Variants in ADAMTS20 observed in about 807,000 individuals in gnomAD.
ADAMTS20 encodes the protein A disintegrin and metalloproteinase with thrombospondin motifs 20.
ADAMTS20 carries 225 observed loss-of-function variants against 260.1 expected under a neutral mutation model. The ratio of observed to expected loss-of-function variants is 0.87; its 90% CI spans 0.78 to 0.97. ADAMTS20 has a LOEUF of 0.97. Ranked by LOEUF, ADAMTS20 falls within the 50% of genes least tolerant of loss-of-function variation. ADAMTS20 has a pLI of 0.00. For synonymous variants in ADAMTS20, 802 were observed against 769.5 expected (o/e 1.04, Z -0.70); for missense variants, 2,400 against 2,337.7 (o/e 1.03, Z -0.55).
chr12:43,536,487 G>A (rs1943296919), intron 2 of ADAMTS20, among the ~76,000 whole-genome samples: 1 of 145,250 alleles, frequency 6.9e-6, no homozygotes, highest in Non-Finnish European at 1.6e-5. Context: ...AAATATAATA[G>A]AATATGCAAT....
At chr12:43,384,900 A>T (rs1205058104) in intron 29 of ADAMTS20, among the ~76,000 whole-genome samples, 1 of 152,224 alleles carries the variant, frequency 6.6e-6, no homozygotes, top group African/African-American at 2.4e-5. Context: ...TATTGTGAAC[A>T]GTGCTGCTAT....
chr12:43,352,975 A>G (rs899957643), downstream of ADAMTS20, among the ~76,000 whole-genome samples: 5 of 152,190 alleles, frequency 3.3e-5, no homozygotes, highest in Admixed American at 3.3e-4. Context: ...ATGGTACAAT[A>G]CATCTGTAAT....
At chr12:43,469,923 G>T (rs920411249) in intron 7 of ADAMTS20, among the ~76,000 whole-genome samples, 51 of 152,286 alleles carry the variant, frequency 3.3e-4, no homozygotes, top group Admixed American at 3.3e-3. Flanking sequence ...TTAATAAAAA[G>T]GAAAGATTTG....
chr12:43,415,906 C>G (rs1645866477), intron 28 of ADAMTS20, among the ~76,000 whole-genome samples: 1 of 152,156 alleles, frequency 6.6e-6, no homozygotes, highest in Admixed American at 6.5e-5. Flanking sequence ...CAGATGGGCC[C>G]TTCACACTGC....
At chr12:43,430,597 G>T in intron 22 of ADAMTS20, 126 bp from the exon 23 acceptor site, 2 of 876,776 alleles carry the variant, frequency 2.3e-6, no homozygotes, top group Non-Finnish European at 3.1e-6. Flanking sequence ...CTTTATACTA[G>T]ATTTAAGACT....
At chr12:43,404,178 G>GAAACACACACACAC (rs749085069) in intron 28 of ADAMTS20, among the ~76,000 whole-genome samples, 13 of 146,006 alleles carry the variant, frequency 8.9e-5, no homozygotes, top group African/African-American at 3.3e-4. Flanking sequence ...ATATTGTGGG[G>GAAACACACACACAC]ACACACACAC....
chr12:43,469,108 C>T, intron 7 of ADAMTS20, among the ~76,000 whole-genome samples: 1 of 152,020 alleles, frequency 6.6e-6, no homozygotes, highest in East Asian at 1.9e-4. Context: ...GCACAGAACT[C>T]TACAAATCTA....
chr12:43,417,120 G>T (rs764615161), intron 28 of ADAMTS20, among the ~76,000 whole-genome samples: 1 of 152,232 alleles, frequency 6.6e-6, no homozygotes, highest in South Asian at 2.1e-4. Context: ...CCCAGTGCCT[G>T]GTAGATATGG....
At chr12:43,387,133 C>T (rs1009014172) in intron 29 of ADAMTS20, among the ~76,000 whole-genome samples, 2 of 152,114 alleles carry the variant, frequency 1.3e-5, no homozygotes, top group African/African-American at 4.8e-5. Context: ...ATTTATCTAC[C>T]TTTGGCCTTT....
intron 29 of ADAMTS20, 125 bp downstream of exon 29, chr12:43,398,939 AGT>A: frequency 1.9e-6 from 1 of 514,732 alleles, no homozygotes; most frequent in Non-Finnish European, 3.0e-6. Context: ...CTTACAGCAT[AGT>A]GCAAAAAAGT....
intron 3 of ADAMTS20, among the ~76,000 whole-genome samples, chr12:43,518,408 C>T (rs1177288555): frequency 2.0e-5 from 3 of 152,074 alleles, no homozygotes; most frequent in Non-Finnish European, 4.4e-5. Context: ...TTTGGGCAAA[C>T]ATTCCTCAGT....
intron 3 of ADAMTS20, among the ~76,000 whole-genome samples, chr12:43,514,717 A>G (rs1480770351): frequency 6.6e-6 from 1 of 151,902 alleles, no homozygotes; most frequent in Non-Finnish European, 1.5e-5. Context: ...TAGCATTGTG[A>G]TATTCCAAAC....
chr12:43,425,549 C>G lies in ADAMTS20; in HGVS notation c.4249G>C (p.Ala1417Pro). 1 of 1,574,100 alleles carries G rather than the reference C, an allele frequency of 6.4e-7. No homozygotes were observed. Among genetic ancestry groups the G allele is most frequent in the Non-Finnish European group, 8.7e-7 (1 of 1,155,718 alleles). Residue 1417 changes from alanine to proline, a missense_variant, in exon 28 of 39, where the codon GCT (alanine) becomes CCT (proline). Coordinates refer to ENST00000389420, the MANE Select transcript of ADAMTS20 (RefSeq NM_025003.5). ...VIQCHMHACP[A>P]DVSWHQEPWT... is the part of the protein sequence containing the mutation. ...GGTTCCTGATGCCATGACACATCAG[C>G]AGGGCAAGCATGCATATGACACTGT... is the stretch of plus-strand genomic sequence containing the variant.
chr12:43,519,057 A>G lies in ADAMTS20; in HGVS notation c.613+12979T>C, dbSNP rs147643605. Among the ~76,000 whole-genome samples the G allele has an allele frequency of 9.2e-3, 1,405 of 152,078 alleles. 15 individuals are homozygous for G. Among genetic ancestry groups the G allele is most frequent in the Non-Finnish European group, 0.016 (1,089 of 67,946 alleles). On this transcript the variant is annotated intron_variant, in intron 3 of 38. Transcript: ENST00000389420. ...TGTTCCCCTAGTTTTTTTCCCACAT[A>G]ATCTGAGTGATCTCTTTAAAATGTG... is the stretch of plus-strand genomic sequence containing the variant.
intron 28 of ADAMTS20, 47 bp from the exon 29 acceptor site, chr12:43,399,280 A>G (rs781474421): frequency 6.0e-5 from 81 of 1,354,238 alleles, no homozygotes; most frequent in Non-Finnish European, 7.1e-5. Context: ...TTCTTGATTA[A>G]TTTAAGCTTA....
intron 8 of ADAMTS20, among the ~76,000 whole-genome samples, chr12:43,467,610 C>T (rs983059407): frequency 6.6e-6 from 1 of 152,016 alleles, no homozygotes; most frequent in Admixed American, 6.6e-5. Context: ...GGTTAGTAGC[C>T]TTGAAAACCA....
Position 43,383,677 on chromosome 12 carries a change from C to A in ADAMTS20, c.4678G>T (p.Asp1560Tyr), listed in dbSNP as rs755435967. ...KDSHQRMECT[D>Y]NQIRQVNEIV... is the part of the protein sequence containing the mutation. ...TCATTCACTTGTCTGATTTGGTTATCTGTGCACTCCATTCGTTGATGTGAA... is the reference window on the plus strand; with the variant it reads ...TCATTCACTTGTCTGATTTGGTTATATGTGCACTCCATTCGTTGATGTGAA... Residue 1560 changes from aspartate to tyrosine, a missense_variant, in exon 31 of 39, where the codon GAT becomes TAT. By Grantham distance (160) the Asp-to-Tyr change is radical (BLOSUM62 -3). Transcript: ENST00000389420. The A allele has an allele frequency of 6.2e-7, 1 of 1,613,908 alleles. No homozygotes were observed. Among genetic ancestry groups the A allele is most frequent in the South Asian group, 1.1e-5 (1 of 91,076 alleles).
chr12:43,502,483 A>T, intron 3 of ADAMTS20, 78 bp from the exon 4 acceptor site: 1 of 1,316,456 alleles, frequency 7.6e-7, no homozygotes. Context: ...TAGAACAGCC[A>T]AAAATATTTA....
chr12:43,536,576 A>G (rs1168662662), intron 2 of ADAMTS20, among the ~76,000 whole-genome samples: 6 of 152,342 alleles, frequency 3.9e-5, no homozygotes, highest in Admixed American at 3.9e-4. Context: ...GGGGACAGCA[A>G]AGCTGAGGCT....
Sources: gnomAD v4.1 joint callset for allele counts (sites outside exome capture counted in the v4.1 genomes callset) on GRCh38, gnomAD v4.1.1 for gene constraint, MANE v1.5 for transcripts, NCBI Gene and HGNC (gene_info 2026-07-23, HGNC 2026-07-21) for gene names.